The following STK32B variants were observed in gnomAD, a reference collection of about 807,000 sequenced individuals.
STK32B encodes serine/threonine-protein kinase 32B.
A neutral mutation model predicts 52.6 loss-of-function variants in STK32B; 43 were observed. That is an observed-to-expected ratio of 0.82 (90% CI 0.64 to 1.05). The LOEUF (loss-of-function observed/expected upper bound fraction) is 1.05. STK32B is among the 50% of genes least tolerant of loss of function. STK32B has a pLI of 0.00. For missense variants in STK32B, 621 were observed against 534.6 expected (o/e 1.16, Z -1.59); for synonymous variants, 238 against 204.3 (o/e 1.17, Z -1.41).
chr4:5,481,528 C>G (rs1012830212), intron 11 of STK32B, among the ~76,000 whole-genome samples: 1 of 152,066 alleles, frequency 6.6e-6, no homozygotes, highest in African/African-American at 2.4e-5. Context: ...CTCCCATTCT[C>G]TAGGTTGCCT....
chr4:5,143,899 C>T (rs931170871), intron 2 of STK32B, among the ~76,000 whole-genome samples: 1 of 152,144 alleles, frequency 6.6e-6, no homozygotes, highest in Non-Finnish European at 1.5e-5. Context: ...ATGCCCACTC[C>T]AGCCTCCACC....
At chr4:5,368,429 A>T (rs1735015920) in intron 4 of STK32B, among the ~76,000 whole-genome samples, 1 of 151,262 alleles carries the variant, frequency 6.6e-6, no homozygotes, top group Non-Finnish European at 1.5e-5. Context: ...TAATCCTCAC[A>T]CAACGTCATG....
intron 1 of STK32B, among the ~76,000 whole-genome samples, chr4:5,059,988 C>T (rs1432082270): frequency 6.6e-6 from 1 of 152,114 alleles, no homozygotes; most frequent in Non-Finnish European, 1.5e-5. Context: ...TATTTTGAGA[C>T]AGAGTTTCGT....
chr4:5,062,288 G>C (rs1457705755), intron 1 of STK32B, among the ~76,000 whole-genome samples: 1 of 152,082 alleles, frequency 6.6e-6, no homozygotes, highest in Non-Finnish European at 1.5e-5. Flanking sequence ...TAATTAAGCA[G>C]CTCTCACTAG....
chr4:5,215,428 T>G (rs1454574344), intron 3 of STK32B, among the ~76,000 whole-genome samples: 1 of 152,184 alleles, frequency 6.6e-6, no homozygotes, highest in Non-Finnish European at 1.5e-5. Flanking sequence ...TCAGTCAGCT[T>G]CAGTTAAGAA....
upstream of STK32B, among the ~76,000 whole-genome samples, chr4:5,048,647 C>T (rs1017198753): frequency 6.6e-6 from 1 of 152,314 alleles, no homozygotes; most frequent in East Asian, 1.9e-4. Flanking sequence ...TGGCCAGTCT[C>T]GAACTCCTGA....
intron 4 of STK32B, among the ~76,000 whole-genome samples, chr4:5,338,449 C>T (rs972920634): frequency 6.6e-6 from 1 of 152,134 alleles, no homozygotes; most frequent in African/African-American, 2.4e-5. Context: ...GATTGGGCTT[C>T]TTTGAAGGTG....
chr4:5,247,530 C>T lies in STK32B; in HGVS notation c.260+79080C>T, dbSNP rs375954698. ...GACCCCTTGCACTTCTCGGGTGAGG[C>T]GATGCCTCGCCCTGCTTTGGCTCAC... On this transcript the variant is annotated intron_variant, in intron 3 of 11. Transcript: ENST00000282908. Among the ~76,000 whole-genome samples, 10 of 152,308 alleles carry T rather than the reference C, an allele frequency of 6.6e-5. No homozygotes were observed. The South Asian group carries it at 1.0e-3, about 16-fold the overall frequency.
At chr4:5,353,377 A>G (rs1447772348) in intron 4 of STK32B, among the ~76,000 whole-genome samples, 1 of 147,466 alleles carries the variant, frequency 6.8e-6, no homozygotes, top group African/African-American at 2.7e-5. Context: ...AGCACAGACA[A>G]TGGAAATGAA....
chr4:5,117,350 G>A (rs1714785894), intron 1 of STK32B, among the ~76,000 whole-genome samples: 1 of 152,070 alleles, frequency 6.6e-6, no homozygotes, highest in Non-Finnish European at 1.5e-5. Flanking sequence ...TTATAAGAAT[G>A]TTGACTTGTG....
At chr4:5,247,278 G>A (rs528093620) in intron 3 of STK32B, among the ~76,000 whole-genome samples, 19 of 152,304 alleles carry the variant, frequency 1.2e-4, no homozygotes, top group African/African-American at 4.1e-4. Context: ...AATGGTGGGT[G>A]CCCCTCCCCC....
At chr4:5,181,094 G>T (rs1445620899) in intron 3 of STK32B, among the ~76,000 whole-genome samples, 3 of 152,086 alleles carry the variant, frequency 2.0e-5, no homozygotes, top group Non-Finnish European at 4.4e-5. Flanking sequence ...AACACTTTGA[G>T]GTCTGACCTC....
At chr4:5,103,902 A>G (rs1232632361) in intron 1 of STK32B, among the ~76,000 whole-genome samples, 2 of 152,104 alleles carry the variant, frequency 1.3e-5, no homozygotes, top group Non-Finnish European at 2.9e-5. Context: ...GTTAGAGTTC[A>G]CTCGGATACC....
chr4:5,184,437 G>T (rs991566666), intron 3 of STK32B, among the ~76,000 whole-genome samples: 1 of 151,984 alleles, frequency 6.6e-6, no homozygotes, highest in Non-Finnish European at 1.5e-5. Context: ...AAAGATTATT[G>T]ATCACTTTGG....
chr4:5,413,343 A>G (rs1711869723), intron 5 of STK32B, among the ~76,000 whole-genome samples: 1 of 152,320 alleles, frequency 6.6e-6, no homozygotes, highest in African/African-American at 2.4e-5. Flanking sequence ...TTTTAGCTGA[A>G]GTTCAGTGGA....
chr4:5,485,841 C>T (rs1243139246), intron 11 of STK32B, among the ~76,000 whole-genome samples: 1 of 152,210 alleles, frequency 6.6e-6, no homozygotes, highest in Non-Finnish European at 1.5e-5. Flanking sequence ...TTGGAGTTTG[C>T]TGGAGGTCCA....
chr4:5,206,427 C>T (rs1331919191), intron 3 of STK32B, among the ~76,000 whole-genome samples: 1 of 152,234 alleles, frequency 6.6e-6, no homozygotes, highest in Non-Finnish European at 1.5e-5. Flanking sequence ...GAAACAATAA[C>T]GTGGTCAAGA....
intron 3 of STK32B, among the ~76,000 whole-genome samples, chr4:5,327,472 G>A (rs1241471881): frequency 2.6e-5 from 4 of 151,696 alleles, no homozygotes; most frequent in African/African-American, 9.7e-5. Flanking sequence ...GCTGCAGGAT[G>A]GATGTTGTTT....
At chr4:5,052,822 C>G (rs1425070251) in intron 1 of STK32B, among the ~76,000 whole-genome samples, 1 of 152,172 alleles carries the variant, frequency 6.6e-6, no homozygotes, top group Non-Finnish European at 1.5e-5. Flanking sequence ...TCGCCAGTCT[C>G]CACTGTGCCC....
Sources: allele counts gnomAD v4.1 joint callset (sites outside exome capture counted in the v4.1 genomes callset), GRCh38; gene constraint gnomAD v4.1.1; transcripts MANE v1.5; gene names NCBI Gene and HGNC (gene_info 2026-07-23, HGNC 2026-07-21).